Variants in ADCY6 observed in about 807,000 individuals in gnomAD.
The protein encoded by ADCY6 is adenylate cyclase 6.
A neutral mutation model predicts 111.6 loss-of-function variants in ADCY6; 59 were observed. The observed-to-expected ratio is 0.53, with a 90% CI of 0.43 to 0.66. The LOEUF (loss-of-function observed/expected upper bound fraction) is 0.66, where lower values mean the gene tolerates loss of function less well. ADCY6 is among the 30% of genes least tolerant of loss of function. The pLI, the probability that ADCY6 is intolerant of heterozygous loss-of-function variation, is 0.00. For missense variants in ADCY6, 1,242 were observed against 1,595.6 expected (o/e 0.78, Z 3.78); for synonymous variants, 576 against 642.9 (o/e 0.90, Z 1.57).
rs1311649841 is a variant in ADCY6, at chr12:48,774,453, T to C, written c.2232A>G (p.Ala744=). ...SIVRSRAHST[A]VGIFSVLLVF... ...CAAGCAGGACGGAAAAGATGCCAAC[T>C]GCGGTGCTATGTGCCCGTGAGCGGA... Residue 744 remains alanine (A), a synonymous_variant, in exon 14 of 22, where the codon GCA becomes GCG. Coordinates refer to ENST00000357869, the MANE Select transcript of ADCY6 (RefSeq NM_015270.5). The C allele has an allele frequency of 4.3e-6, 7 of 1,613,878 alleles. No homozygotes were observed. Among genetic ancestry groups the C allele is most frequent in the Non-Finnish European group, 5.9e-6 (7 of 1,179,990 alleles).
intron 12 of ADCY6, 77 bp downstream of exon 12, chr12:48,774,880 G>A (rs915760152): frequency 6.6e-7 from 1 of 1,516,448 alleles, no homozygotes; most frequent in African/African-American, 1.4e-5. Flanking sequence ...CAGGGATTGT[G>A]GGCTTGTGTG....
chr12:48,776,527 C>T lies in ADCY6; in HGVS notation c.1436G>A (p.Arg479His), dbSNP rs1565647578. ...CAAGCCAAGGACGCCGCAGTGCACG[C>T]GCCCGCTGTGGATGCCCACGCGCAT... Reference protein sequence around the residue: ...VNMRVGIHSGRVHCGVLGLRK... With the variant: ...VNMRVGIHSGHVHCGVLGLRK... The change falls in exon 7 of 22, where the codon CGC (arginine) becomes CAC (histidine). Residue 479 changes from arginine (R) to histidine (H), a missense_variant. Physicochemically the swap from Arg to His is conservative, Grantham distance 29. This residue lies in a region of ADCY6 where 260 missense variants were observed against 414.6 expected (regional missense o/e 0.63). Transcript: ENST00000357869. This position sits in a 1 kb window ranked among gnomAD's most constrained non-coding sequence, Gnocchi z 6.1. 15 of 1,613,890 alleles carry T rather than the reference C, an allele frequency of 9.3e-6. No individual in the cohort carries two copies. The highest frequency in any genetic ancestry group is 4.0e-5 in the African/African-American group (3 of 75,060).
chr12:48,773,816 T>C, intron 15 of ADCY6, 124 bp downstream of exon 15: 1 of 1,451,362 alleles, frequency 6.9e-7, no homozygotes, highest in Non-Finnish European at 9.4e-7. Context: ...GGCCCCTGGT[T>C]GCTCCTAGTG....
rs1941412393 is a variant in ADCY6, at chr12:48,767,683, T to A, written c.*908A>T. The A allele has an allele frequency of 6.6e-6, 1 of 152,512 alleles. No homozygotes were observed. Among genetic ancestry groups the A allele is most frequent in the Admixed American group, 6.6e-5 (1 of 15,260 alleles). The allele number at this position is 152,512 out of a possible 1,614,324, so 9.4% of individuals were successfully genotyped here. On this transcript the variant is annotated 3_prime_UTR_variant, in exon 22 of 22. Coordinates refer to ENST00000357869, the MANE Select transcript of ADCY6 (RefSeq NM_015270.5). Reference sequence around the variant, plus strand: ...GAGGAAGAGATGCTCCATGCCCCCTTGTCAGCAGACAGCAAGAGAGCACTG... The same window carrying A: ...GAGGAAGAGATGCTCCATGCCCCCTAGTCAGCAGACAGCAAGAGAGCACTG...
rs1251806820 is a variant in ADCY6 at position 48,776,982 on chromosome 12, CAGACAGACCTCAA to C, written c.1376+109_1376+121del. The C allele has an allele frequency of 9.5e-5, 132 of 1,393,956 alleles. No homozygotes were observed. The highest frequency in any genetic ancestry group is 1.2e-4 in the Non-Finnish European group (125 of 1,035,422). 86.3% of individuals were successfully genotyped at this position (1,393,956 alleles called of 1,614,324 possible). On this transcript the variant is annotated intron_variant, in intron 6 of 21. Transcript: ENST00000357869. The surrounding 1 kb of genome is among the most constrained non-coding windows in gnomAD (Gnocchi z 6.1). ...GGAGAAAGATTCCCCTTCCCAGTGA[CAGACAGACCTCAA>C]AGACAGAGAAAGCCAAAACTGAGGA... is the stretch of plus-strand genomic sequence containing the variant.
At chr12:48,768,851 T>C (rs554410595) in intron 21 of ADCY6, 86 bp downstream of exon 21, 76 of 1,550,870 alleles carry the variant, frequency 4.9e-5, no homozygotes, top group Non-Finnish European at 4.6e-5. Flanking sequence ...CTAGCCACCC[T>C]ACCCCTGTCC....
Position 48,776,679 on chromosome 12 carries a change from C to A in ADCY6, c.1377-93G>T. The A allele has an allele frequency of 6.8e-7, 1 of 1,470,882 alleles. No homozygotes were observed. The highest frequency in any genetic ancestry group is 9.1e-7 in the Non-Finnish European group (1 of 1,103,894). The allele number at this position is 1,470,882 out of a possible 1,614,324, so 91.1% of individuals were successfully genotyped here. A position where few individuals can be genotyped will look rare whatever the true frequency, so the allele number is the denominator to read the frequency against. On this transcript the variant is annotated intron_variant, in intron 6 of 21. Transcript: ENST00000357869. The surrounding 1 kb of genome is among the most constrained non-coding windows in gnomAD (Gnocchi z 6.1). Reference sequence around the variant, plus strand: ...TTCACTCCTCTCAGGGCCCAGCGGGCAAGGACAGACCCAGATGCAGGGGAC... The same window carrying A: ...TTCACTCCTCTCAGGGCCCAGCGGGAAAGGACAGACCCAGATGCAGGGGAC...
chr12:48,774,793 G>C lies in ADCY6; in HGVS notation c.2079-15C>G. 2 of 1,612,192 alleles carry C rather than the reference G, an allele frequency of 1.2e-6. No individual in the cohort carries two copies. Among genetic ancestry groups the C allele is most frequent in the Non-Finnish European group, 1.7e-6 (2 of 1,178,620 alleles). On this transcript the variant is annotated splice_polypyrimidine_tract_variant and intron_variant, in intron 12 of 21. Coordinates refer to ENST00000357869, the MANE Select transcript of ADCY6 (RefSeq NM_015270.5). ...TCAGGGTGGAGCTGGGGCAGAACAG[G>C]GCCAGAAAAATCATTTAATTCTGGA... is the stretch of plus-strand genomic sequence containing the variant.
chr12:48,772,333 C>T lies in ADCY6; in HGVS notation c.2749G>A (p.Glu917Lys). The change falls in exon 18 of 22, where the codon GAG becomes AAG. Residue 917 changes from glutamate to lysine, a missense_variant. Transcript: ENST00000357869. ...AGGAAGTCTAGGCGGGCAGTCGACT[C>T]CACCTGCTGAGCATGCAGATACAGC... is the stretch of plus-strand genomic sequence containing the variant. ...LALYLHAQQV[E>K]STARLDFLWK... The T allele has an allele frequency of 6.2e-7, 1 of 1,614,122 alleles. No individual in the cohort carries two copies. Among genetic ancestry groups the T allele is most frequent in the Non-Finnish European group, 8.5e-7 (1 of 1,179,990 alleles).
At position 48,776,683 on chromosome 12, in the gene ADCY6, G is replaced by A. The variant is rs539727323; in HGVS notation, c.1377-97C>T. ...CTCCTCTCAGGGCCCAGCGGGCAAG[G>A]ACAGACCCAGATGCAGGGGACGGGA... On this transcript the variant is annotated intron_variant, in intron 6 of 21. Transcript: ENST00000357869. The surrounding 1 kb of genome is among the most constrained non-coding windows in gnomAD (Gnocchi z 6.1). 2 of 1,447,314 alleles carry A rather than the reference G, an allele frequency of 1.4e-6. No homozygotes were observed. Among genetic ancestry groups the A allele is most frequent in the South Asian group, 2.7e-5 (2 of 72,830 alleles). The allele number at this position is 1,447,314 out of a possible 1,614,324, so 89.7% of individuals were successfully genotyped here. A position where few individuals can be genotyped will look rare whatever the true frequency, so the allele number is the denominator to read the frequency against.
intron 1 of ADCY6, among the ~76,000 whole-genome samples, chr12:48,785,215 T>C (rs1304563179): frequency 6.6e-6 from 1 of 152,222 alleles, no homozygotes; most frequent in Non-Finnish European, 1.5e-5. Context: ...TATATTTTTC[T>C]TATGTGTTCA....
At chr12:48,770,703 A>G in intron 20 of ADCY6, 63 bp downstream of exon 20, 3 of 1,539,806 alleles carry the variant, frequency 1.9e-6, no homozygotes, top group Non-Finnish European at 2.7e-6. Context: ...TCCCCAGCCT[A>G]TAATCCCAGC....
intron 9 of ADCY6, 102 bp downstream of exon 9, chr12:48,775,861 C>A (rs1480980757): frequency 1.8e-5 from 28 of 1,528,134 alleles, no homozygotes; most frequent in Non-Finnish European, 2.5e-5. Context: ...TACCAGAAAG[C>A]ATACATGGAA....
At chr12:48,788,736 T>C (rs1168602062) in intron 1 of ADCY6, among the ~76,000 whole-genome samples, 170 bp downstream of exon 1, 1 of 152,016 alleles carries the variant, frequency 6.6e-6, no homozygotes, top group Non-Finnish European at 1.5e-5. Context: ...ACTGCCTCCA[T>C]GACTTCCCTT....
chr12:48,780,993 G>A (rs1027640171), intron 2 of ADCY6, among the ~76,000 whole-genome samples: 6 of 152,202 alleles, frequency 3.9e-5, no homozygotes, highest in Admixed American at 6.5e-5. Flanking sequence ...GAGGTCAAGA[G>A]ATCGAGACCA....
chr12:48,782,603 G>T lies in ADCY6; in HGVS notation c.832C>A (p.Leu278Ile). The T allele has an allele frequency of 6.2e-7, 1 of 1,612,124 alleles. No individual in the cohort carries two copies. The highest frequency in any genetic ancestry group is 8.5e-7 in the Non-Finnish European group (1 of 1,179,098). ...CAGAGGAAGGCATCACCACGGTTAA[G>T]TTGCCAGGCCAAGATCAAATGCAAG... is the stretch of plus-strand genomic sequence containing the variant. ...STLHLILAWQ[L>I]NRGDAFLWKQ... Residue 278 changes from leucine to isoleucine, a missense_variant, in exon 2 of 22, where the codon CTT (leucine) becomes ATT (isoleucine). Leu to Ile is a conservative substitution (Grantham distance 5). Coordinates refer to ENST00000357869, the MANE Select transcript of ADCY6 (RefSeq NM_015270.5). This position sits in a 1 kb window ranked among gnomAD's most constrained non-coding sequence, Gnocchi z 4.3.
Position 48,783,372 on chromosome 12 carries a change from T to A in ADCY6, c.63A>T (p.Glu21Asp). 1 of 1,614,194 alleles carries A rather than the reference T, an allele frequency of 6.2e-7. No individual in the cohort carries two copies. The highest frequency in any genetic ancestry group is 8.5e-7 in the Non-Finnish European group (1 of 1,180,028). ...KVDERKTAWG[E>D]RNGQKRSRRR... is the part of the protein sequence containing the mutation. ...GCCGCGAACGCTTCTGCCCATTGCG[T>A]TCACCCCAGGCTGTTTTCCGTTCAT... The change falls in exon 2 of 22, where the codon GAA becomes GAT. Residue 21 changes from glutamate to aspartate, a missense_variant. Around this residue, in one of 4 missense-constraint regions of ADCY6, gnomAD observed 362 missense variants for 377.2 expected, o/e 0.96. Coordinates refer to ENST00000357869, the MANE Select transcript of ADCY6 (RefSeq NM_015270.5).
rs1487646807 is a variant in ADCY6, at chr12:48,782,127, G to C, written c.864+444C>G. On this transcript the variant is annotated intron_variant, in intron 2 of 21. Transcript: ENST00000357869. The surrounding 1 kb of genome is among the most constrained non-coding windows in gnomAD (Gnocchi z 4.3). The stretch of plus-strand genomic sequence containing the variant: ...CACCTAGAGCTGCTCTTCAGGGATA[G>C]CACCAGCGCCTCAGTCTCTGGTGTC... Among the ~76,000 whole-genome samples the C allele has an allele frequency of 1.3e-5, 2 of 152,116 alleles. No individual in the cohort carries two copies. Among genetic ancestry groups the C allele is most frequent in the Admixed American group, 1.3e-4 (2 of 15,272 alleles).
chr12:48,772,017 G>A, intron 18 of ADCY6, 44 bp from the exon 19 acceptor site: 1 of 1,571,150 alleles, frequency 6.4e-7, no homozygotes, highest in South Asian at 1.2e-5. Context: ...CATTCACAAG[G>A]GGTAGGTGTG....
Sources: gnomAD v4.1 joint callset for allele counts (sites outside exome capture counted in the v4.1 genomes callset) on GRCh38, gnomAD v4.1.1 for gene constraint, gnomAD v4.1.1 regional missense constraint, Gnocchi (gnomAD v3.1) non-coding constraint, MANE v1.5 for transcripts, NCBI Gene and HGNC (gene_info 2026-07-23, HGNC 2026-07-21) for gene names.